Variants in PPP1R14A observed in about 807,000 individuals in gnomAD.
The protein encoded by PPP1R14A is protein phosphatase 1 regulatory inhibitor subunit 14A.
PPP1R14A carries 9 observed loss-of-function variants against 14.1 expected under a neutral mutation model. The observed-to-expected ratio is 0.64, with a 90% CI of 0.38 to 1.11. The LOEUF (loss-of-function observed/expected upper bound fraction) is 1.11. Among genes scored for constraint, PPP1R14A ranks in the 50% most tolerant of loss-of-function variants. The pLI, the probability that PPP1R14A is intolerant of heterozygous loss-of-function variation, is 0.01. For synonymous variants in PPP1R14A, 93 were observed against 88.7 expected, an observed-to-expected ratio of 1.05 and a Z score of -0.27; for missense variants, 208 against 200.7, an observed-to-expected ratio of 1.04 and a Z score of -0.22.
chr19:38,252,391 C>A lies in PPP1R14A; in HGVS notation c.283-53G>T. ...AAACAGTAAATGACTAACACCTACT[C>A]CCCTCCAGCCCCTTCCCTTTCCCAA... is the stretch of plus-strand genomic sequence containing the variant. On this transcript the variant is annotated intron_variant, in intron 2 of 3. Transcript: ENST00000301242. This position sits in a 1 kb window ranked among gnomAD's most constrained non-coding sequence, Gnocchi z 4.1. The A allele has an allele frequency of 6.4e-7, 1 of 1,556,794 alleles. No individual in the cohort carries two copies. The highest frequency in any genetic ancestry group is 8.8e-7 in the Non-Finnish European group (1 of 1,135,982).
intron 1 of PPP1R14A, 40 bp from the exon 2 acceptor site, chr19:38,253,014 C>T: frequency 6.7e-7 from 1 of 1,485,962 alleles, no homozygotes; most frequent in Non-Finnish European, 9.4e-7. Flanking sequence ...ATCCCCTTCC[C>T]TCCCTCCCTC....
Position 38,252,455 on chromosome 19 carries a change from G to T in PPP1R14A, c.283-117C>A. ...CAAGACAAATGGAAGTCAGACTCCA[G>T]GGTGGACTGCCCACCAAGCTTCAAG... On this transcript the variant is annotated intron_variant, in intron 2 of 3. Coordinates refer to ENST00000301242, the MANE Select transcript of PPP1R14A (RefSeq NM_033256.3). This position sits in a 1 kb window ranked among gnomAD's most constrained non-coding sequence, Gnocchi z 4.1. 2 of 1,021,842 alleles carry T rather than the reference G, an allele frequency of 2.0e-6. No homozygotes were observed. The highest frequency in any genetic ancestry group is 2.8e-5 in the South Asian group (2 of 72,464). 63.3% of individuals were successfully genotyped at this position (1,021,842 alleles called of 1,614,324 possible). A position where few individuals can be genotyped will look rare whatever the true frequency, so the allele number is the denominator to read the frequency against.
Position 38,256,259 on chromosome 19 carries a change from G to A in PPP1R14A, c.81C>T (p.Pro27=), listed in dbSNP as rs771625329. 11 of 1,548,394 alleles carry A rather than the reference G, an allele frequency of 7.1e-6. No homozygotes were observed. The South Asian group carries it at 1.1e-4, about 15-fold the overall frequency. The change falls in exon 1 of 4, where the codon CCC becomes CCT. Residue 27 remains proline, a synonymous_variant. Transcript: ENST00000301242. This position sits in a 1 kb window ranked among gnomAD's most constrained non-coding sequence, Gnocchi z 5.7. The part of the protein sequence containing the change: ...PSRARGPGGS[P]GGLQKRHARV... ...GCGCGTGCCGCTTCTGCAGCCCCCC[G>A]GGACTGCCCCCTGGCCCGCGGGCCC...
chr19:38,252,307 T>G lies in PPP1R14A; in HGVS notation c.314A>C (p.Glu105Ala), dbSNP rs1968199041. ...GAGAATGAGGGAGAGAAAACTCACC[T>G]CGACAGGTTTCCCACATGACTTCAG... is the stretch of plus-strand genomic sequence containing the variant. ...GLLKSCGKPVEDFIQELLAKL... is the reference protein window; with the variant it reads ...GLLKSCGKPVADFIQELLAKL... The change falls in exon 3 of 4, where the codon GAG becomes GCG. Residue 105 changes from glutamate (E) to alanine (A), a missense_variant and splice_region_variant. Transcript: ENST00000301242. The surrounding 1 kb of genome is among the most constrained non-coding windows in gnomAD (Gnocchi z 4.1). 1 of 1,611,972 alleles carries G rather than the reference T, an allele frequency of 6.2e-7. No individual in the cohort carries two copies. Among genetic ancestry groups the G allele is most frequent in the Non-Finnish European group, 8.5e-7 (1 of 1,179,136 alleles).
intron 3 of PPP1R14A, 152 bp from the exon 4 acceptor site, chr19:38,251,598 A>C: frequency 1.8e-6 from 1 of 551,214 alleles, no homozygotes; most frequent in East Asian, 3.5e-5. Context: ...ATAGAGAGAA[A>C]AGTGAGCCGG....
At position 38,252,471 on chromosome 19, in the gene PPP1R14A, A is replaced by G; in HGVS notation, c.283-133T>C. 2 of 884,758 alleles carry G rather than the reference A, an allele frequency of 2.3e-6. No homozygotes were observed. The highest frequency in any genetic ancestry group is 3.6e-6 in the Non-Finnish European group (2 of 557,736). The allele number at this position is 884,758 out of a possible 1,614,324, so 54.8% of individuals were successfully genotyped here. On this transcript the variant is annotated intron_variant, in intron 2 of 3. Coordinates refer to ENST00000301242, the MANE Select transcript of PPP1R14A (RefSeq NM_033256.3). This position sits in a 1 kb window ranked among gnomAD's most constrained non-coding sequence, Gnocchi z 4.1. ...CAGACTCCAGGGTGGACTGCCCACC[A>G]AGCTTCAAGAGAGGAACAGAGCCCA...
In PPP1R14A at chr19:38,252,203, G is replaced by A. The variant is rs1968197832; in HGVS notation, c.315+103C>T. On this transcript the variant is annotated intron_variant, in intron 3 of 3. Transcript: ENST00000301242. The surrounding 1 kb of genome is among the most constrained non-coding windows in gnomAD (Gnocchi z 4.1). ...GCAGGTTGGGGCCGGGGGTGGTGGG[G>A]CCGGGTGGTGTTCCCCAGAGACCCT... The A allele has an allele frequency of 1.7e-6, 2 of 1,146,178 alleles. No individual in the cohort carries two copies. The highest frequency in any genetic ancestry group is 1.5e-5 in the African/African-American group (1 of 64,874). 71.0% of individuals were successfully genotyped at this position (1,146,178 alleles called of 1,614,324 possible). A position where few individuals can be genotyped will look rare whatever the true frequency, so the allele number is the denominator to read the frequency against.
Position 38,252,235 on chromosome 19 carries a change from AGC to A in PPP1R14A, c.315+69_315+70del. 6.6e-7 allele frequency: 1 copy of A among 1,505,438 alleles called. No individual in the cohort carries two copies. The highest frequency in any genetic ancestry group is 9.1e-7 in the Non-Finnish European group (1 of 1,095,708). 93.3% of individuals were successfully genotyped at this position (1,505,438 alleles called of 1,614,324 possible). A position where few individuals can be genotyped will look rare whatever the true frequency, so the allele number is the denominator to read the frequency against. The stretch of plus-strand genomic sequence containing the variant: ...GGTGTTCCCCAGAGACCCTTCTGCC[AGC>A]TTCTTCCCCCTCCCCCATCAGAGTA... On this transcript the variant is annotated intron_variant, in intron 3 of 3. Transcript: ENST00000301242. The surrounding 1 kb of genome is among the most constrained non-coding windows in gnomAD (Gnocchi z 4.1).
chr19:38,251,651 A>T (rs1225009905), intron 3 of PPP1R14A, among the ~76,000 whole-genome samples: 1 of 151,898 alleles, frequency 6.6e-6, no homozygotes, highest in East Asian at 1.9e-4. Context: ...AGGGATGGAG[A>T]GAAAGAGCTA....
rs768567795 is a variant in PPP1R14A, at chr19:38,252,380, T to G, written c.283-42A>C. 1.9e-6 allele frequency: 3 copies of G among 1,592,342 alleles called. No homozygotes were observed. The highest frequency in any genetic ancestry group is 8.6e-7 in the Non-Finnish European group (1 of 1,163,904). Reference sequence around the variant, plus strand: ...AGAACAAAACAAAACAGTAAATGACTAACACCTACTCCCCTCCAGCCCCTT... The same window carrying G: ...AGAACAAAACAAAACAGTAAATGACGAACACCTACTCCCCTCCAGCCCCTT... On this transcript the variant is annotated intron_variant, in intron 2 of 3. Transcript: ENST00000301242. This position sits in a 1 kb window ranked among gnomAD's most constrained non-coding sequence, Gnocchi z 4.1.
chr19:38,252,317 T>A lies in PPP1R14A; in HGVS notation c.304A>T (p.Lys102Ter). ...GAGAGAAAACTCACCTCGACAGGTT[T>A]CCCACATGACTTCAGGAGTCCCTAA... is the stretch of plus-strand genomic sequence containing the variant. ...KIQGLLKSCG[K>*]PVEDFIQELL... The change falls in exon 3 of 4, where the codon AAA (lysine) becomes TAA (stop). Residue 102 changes from lysine (K) to a stop codon, truncating the protein, a stop_gained. Transcript: ENST00000301242. LOFTEE classifies it high-confidence loss of function. This position sits in a 1 kb window ranked among gnomAD's most constrained non-coding sequence, Gnocchi z 4.1. 1 of 1,612,414 alleles carries A rather than the reference T, an allele frequency of 6.2e-7. No homozygotes were observed. Among genetic ancestry groups the A allele is most frequent in the Non-Finnish European group, 8.5e-7 (1 of 1,179,434 alleles).
chr19:38,254,867 C>T (rs755185236), intron 1 of PPP1R14A, among the ~76,000 whole-genome samples: 5 of 151,902 alleles, frequency 3.3e-5, no homozygotes, highest in Non-Finnish European at 5.9e-5. Flanking sequence ...GATCTCGGCT[C>T]ACCGCAACCT....
rs1968244907 is a variant in PPP1R14A, at chr19:38,256,103, T to G, written c.201+36A>C. ...GGGGTCTCCGCGCCCGGGCTCTATCTGTCCCCGACCACCCCCGAGCCCTCC... is the reference window on the plus strand; with the variant it reads ...GGGGTCTCCGCGCCCGGGCTCTATCGGTCCCCGACCACCCCCGAGCCCTCC... On this transcript the variant is annotated intron_variant, in intron 1 of 3. Transcript: ENST00000301242. The surrounding 1 kb of genome is among the most constrained non-coding windows in gnomAD (Gnocchi z 5.7). 6.6e-7 allele frequency: 1 copy of G among 1,512,784 alleles called. No individual in the cohort carries two copies. Among genetic ancestry groups the G allele is most frequent in the Non-Finnish European group, 8.8e-7 (1 of 1,133,234 alleles). The allele number at this position is 1,512,784 out of a possible 1,614,324, so 93.7% of individuals were successfully genotyped here.
At chr19:38,253,090 T>C (rs1968208641) in intron 1 of PPP1R14A, 116 bp from the exon 2 acceptor site, 1 of 769,826 alleles carries the variant, frequency 1.3e-6, no homozygotes, top group Non-Finnish European at 2.2e-6. Context: ...TTCTGGAGCA[T>C]TAATGTGGCA....
At chr19:38,251,523 AC>A in intron 3 of PPP1R14A, 77 bp from the exon 4 acceptor site, 1 of 1,319,972 alleles carries the variant, frequency 7.6e-7, no homozygotes, top group Non-Finnish European at 9.8e-7. Context: ...CCAGTCCCTG[AC>A]CTGGGCGCCT....
Position 38,252,385 on chromosome 19 carries a change from C to G in PPP1R14A, c.283-47G>C, listed in dbSNP as rs774662163. On this transcript the variant is annotated intron_variant, in intron 2 of 3. Coordinates refer to ENST00000301242, the MANE Select transcript of PPP1R14A (RefSeq NM_033256.3). The surrounding 1 kb of genome is among the most constrained non-coding windows in gnomAD (Gnocchi z 4.1). Reference sequence around the variant, plus strand: ...AAAACAAAACAGTAAATGACTAACACCTACTCCCCTCCAGCCCCTTCCCTT... The same window carrying G: ...AAAACAAAACAGTAAATGACTAACAGCTACTCCCCTCCAGCCCCTTCCCTT... 5.0e-6 allele frequency: 8 copies of G among 1,584,164 alleles called. No homozygotes were observed. The highest frequency in any genetic ancestry group is 6.9e-6 in the Non-Finnish European group (8 of 1,157,376).
At chr19:38,251,746 T>G in intron 3 of PPP1R14A, 3 of 436,268 alleles carry the variant, frequency 6.9e-6, no homozygotes, top group Admixed American at 4.3e-5. Flanking sequence ...CATGTAGAGA[T>G]AGAGACAGAG....
intron 3 of PPP1R14A, chr19:38,251,905 T>C: frequency 3.1e-6 from 1 of 324,514 alleles, no homozygotes; most frequent in Non-Finnish European, 5.6e-6. Context: ...GGGAAGGAAG[T>C]GGGAGGGGTT....
chr19:38,255,076 G>T (rs1164867989), intron 1 of PPP1R14A, among the ~76,000 whole-genome samples: 2 of 152,160 alleles, frequency 1.3e-5, no homozygotes, highest in African/African-American at 4.8e-5. Flanking sequence ...GAGCCACCGT[G>T]CCCGGTGCTT....
Sources: gnomAD v4.1 joint callset for allele counts (sites outside exome capture counted in the v4.1 genomes callset) on GRCh38, gnomAD v4.1.1 for gene constraint, Gnocchi (gnomAD v3.1) non-coding constraint, MANE v1.5 for transcripts, NCBI Gene and HGNC (gene_info 2026-07-23, HGNC 2026-07-21) for gene names.